SLC35F4: variants seen among roughly 807,000 people sequenced by gnomAD.
SLC35F4 encodes chromosome 14 open reading frame 36.
In SLC35F4, 24 loss-of-function variants were observed where a neutral mutation model predicts 44.2. That is an observed-to-expected ratio of 0.54 (90% confidence interval 0.39 to 0.76). SLC35F4 has a LOEUF of 0.76. Among genes scored for constraint, SLC35F4 ranks in the 30% least tolerant of loss-of-function variants. SLC35F4 has a pLI of 0.00. For synonymous variants in SLC35F4, 238 were observed against 223.6 expected, an observed-to-expected ratio of 1.06 and a Z score of -0.57; for missense variants, 562 against 586.1, an observed-to-expected ratio of 0.96 and a Z score of 0.42.
chr14:57,703,240 T>G (rs2075587106), intron 1 of SLC35F4, among the ~76,000 whole-genome samples: 1 of 152,296 alleles, frequency 6.6e-6, no homozygotes, highest in East Asian at 1.9e-4. Context: ...GTAACTGGCA[T>G]GTAATACATG....
chr14:57,703,894 A>C (rs1196201682), intron 1 of SLC35F4, among the ~76,000 whole-genome samples: 1 of 152,176 alleles, frequency 6.6e-6, no homozygotes, highest in Non-Finnish European at 1.5e-5. Context: ...AAACAAAAAC[A>C]AAAACCAGGC....
chr14:57,725,771 T>C (rs1267318396), intron 1 of SLC35F4, among the ~76,000 whole-genome samples: 1 of 152,174 alleles, frequency 6.6e-6, no homozygotes, highest in Non-Finnish European at 1.5e-5. Context: ...AGGCCATGTA[T>C]ACTCTGAATC....
At chr14:57,845,661 T>G (rs1885954686) in intron 1 of SLC35F4, among the ~76,000 whole-genome samples, 1 of 152,238 alleles carries the variant, frequency 6.6e-6, no homozygotes, top group African/African-American at 2.4e-5. Flanking sequence ...CCTGATTTTC[T>G]TCCCTAATAA....
intron 1 of SLC35F4, among the ~76,000 whole-genome samples, chr14:57,879,348 C>T (rs1241012558): frequency 6.6e-6 from 1 of 152,084 alleles, no homozygotes; most frequent in Non-Finnish European, 1.5e-5. Context: ...TCCTTACCCT[C>T]GAGCTGAACA....
intron 1 of SLC35F4, among the ~76,000 whole-genome samples, chr14:57,933,349 A>C (rs1889735056): frequency 6.6e-6 from 1 of 152,104 alleles, no homozygotes; most frequent in African/African-American, 2.4e-5. Context: ...AAGTACAGCA[A>C]GTTTGGTGTC....
At chr14:57,709,796 T>C (rs1295248161) in intron 1 of SLC35F4, among the ~76,000 whole-genome samples, 1 of 152,162 alleles carries the variant, frequency 6.6e-6, no homozygotes, top group African/African-American at 2.4e-5. Flanking sequence ...CAGTAAAGCA[T>C]TCAGAGGTGA....
intron 1 of SLC35F4, among the ~76,000 whole-genome samples, chr14:57,645,769 T>C (rs2073477437): frequency 6.6e-6 from 1 of 151,350 alleles, no homozygotes; most frequent in African/African-American, 2.4e-5. Context: ...TTGTCATAGA[T>C]AGCTCCTATT....
chr14:57,819,641 T>TAA lies in SLC35F4; in HGVS notation c.103+46080_103+46081dup, dbSNP rs72330695. Among the ~76,000 whole-genome samples, 371 of 139,336 alleles carry TAA rather than the reference T, an allele frequency of 2.7e-3. 2 individuals are homozygous for TAA. Among genetic ancestry groups the TAA allele is most frequent in the African/African-American group, 8.2e-3 (314 of 38,188 alleles). 91.4% of individuals were successfully genotyped at this position (139,336 alleles called of 152,430 possible). On this transcript the variant is annotated intron_variant, in intron 1 of 7. Transcript: ENST00000556826. ...CAACATGTTGAAACCCCATCTCTAC[T>TAA]AAAAAAAAAAAAAATACAAAAATTA... is the stretch of plus-strand genomic sequence containing the variant.
At chr14:57,769,519 T>C (rs1430636179) in intron 1 of SLC35F4, among the ~76,000 whole-genome samples, 1 of 152,174 alleles carries the variant, frequency 6.6e-6, no homozygotes, top group Non-Finnish European at 1.5e-5. Context: ...AAATCCATCA[T>C]CTTAACTATT....
intron 1 of SLC35F4, among the ~76,000 whole-genome samples, chr14:57,830,973 G>A (rs576624764): frequency 3.1e-4 from 47 of 152,260 alleles, no homozygotes; most frequent in Admixed American, 1.0e-3. Context: ...CACTGGGGGT[G>A]CAAAAATGAA....
At chr14:57,693,491 C>T (rs961914368) in intron 1 of SLC35F4, among the ~76,000 whole-genome samples, 5 of 152,172 alleles carry the variant, frequency 3.3e-5, no homozygotes, top group South Asian at 2.1e-4. Context: ...ACAGCATGAG[C>T]GATCTGTGCC....
At chr14:57,703,042 T>G (rs1013249724) in intron 1 of SLC35F4, among the ~76,000 whole-genome samples, 4 of 150,032 alleles carry the variant, frequency 2.7e-5, no homozygotes, top group Non-Finnish European at 5.9e-5. Flanking sequence ...AAATATAAAA[T>G]GAACCACCAG....
At chr14:57,629,362 A>T (rs2072648916) in intron 1 of SLC35F4, among the ~76,000 whole-genome samples, 1 of 152,150 alleles carries the variant, frequency 6.6e-6, no homozygotes, top group African/African-American at 2.4e-5. Flanking sequence ...AGGAGAAATA[A>T]ACACTGTTTT....
At chr14:57,619,367 C>T (rs1207818532) in intron 1 of SLC35F4, among the ~76,000 whole-genome samples, 1 of 151,904 alleles carries the variant, frequency 6.6e-6, no homozygotes, top group Non-Finnish European at 1.5e-5. Context: ...CTTTTCTGTT[C>T]TGCAGCCTCC....
rs541105410 is a variant in SLC35F4, at chr14:57,907,568, T to C, written n.282+74345A>G. ...GGGTTAAAATGTGGTTCCCATCTTA[T>C]ATTAGCATTAACAATCCCTATACTC... On this transcript the variant is annotated intron_variant and non_coding_transcript_variant, in intron 1 of 1. Transcript: ENST00000556568. 3.3e-5 allele frequency among the ~76,000 whole-genome samples: 5 copies of C among 152,308 alleles called. No homozygotes were observed. The East Asian group carries it at 7.7e-4, about 23-fold the overall frequency.
chr14:57,937,992 C>G (rs899903718), intron 1 of SLC35F4, among the ~76,000 whole-genome samples: 1 of 152,292 alleles, frequency 6.6e-6, no homozygotes, highest in African/African-American at 2.4e-5. Context: ...CCCTCTGTCT[C>G]CACTCCCCAA....
intron 1 of SLC35F4, among the ~76,000 whole-genome samples, chr14:57,730,808 AGGAAGCAC>A: frequency 8.4e-6 from 1 of 118,508 alleles, no homozygotes; most frequent in Non-Finnish European, 1.9e-5. Context: ...AAGTCTGTCA[AGGAAGCAC>A]TGGAGCTGCA....
intron 1 of SLC35F4, among the ~76,000 whole-genome samples, chr14:57,762,094 T>G (rs1474825827): frequency 6.6e-6 from 1 of 152,140 alleles, no homozygotes; most frequent in Non-Finnish European, 1.5e-5. Flanking sequence ...TTTTTTATAT[T>G]ACTCAATCAA....
upstream of SLC35F4, among the ~76,000 whole-genome samples, chr14:57,866,773 A>G (rs1888172903): frequency 6.6e-6 from 1 of 152,004 alleles, no homozygotes. Flanking sequence ...GGACGAGTGA[A>G]AGTCTTAGCT....
Sources: allele counts gnomAD v4.1 joint callset (sites outside exome capture counted in the v4.1 genomes callset), GRCh38; gene constraint gnomAD v4.1.1; transcripts MANE v1.5; gene names NCBI Gene and HGNC (gene_info 2026-07-23, HGNC 2026-07-21).